Variants in OGDHL observed in about 807,000 individuals in gnomAD.
The protein encoded by OGDHL is oxoglutarate dehydrogenase L, also known as 2-oxoglutarate dehydrogenase-like, mitochondrial.
Under a neutral mutation model 109.6 loss-of-function variants are expected in OGDHL, and 79 were observed. That is an observed-to-expected ratio of 0.72 (90% CI 0.60 to 0.87). The LOEUF is 0.87. Ranked by LOEUF, OGDHL falls within the 40% of genes least tolerant of loss-of-function variation. OGDHL has a pLI of 0.00. For synonymous variants in OGDHL, 528 were observed against 537.2 expected, an observed-to-expected ratio of 0.98 and a Z score of 0.24; for missense variants, 1,275 against 1,362.2, an observed-to-expected ratio of 0.94 and a Z score of 1.01.
chr10:49,736,038 C>T lies in OGDHL; in HGVS notation c.2894G>A (p.Arg965His), dbSNP rs748297322. ...CACCATGTACCATATGGGCCGTGCG[C>T]GCCTCAGGATGGTCATGAAGCGTGG... ...ISPRFMTILR[R>H]ARPIWYVGRD... The change falls in exon 22 of 23, where the codon CGC (arginine) becomes CAC (histidine). Residue 965 changes from arginine (R) to histidine (H), a missense_variant. Transcript: ENST00000374103. The T allele has an allele frequency of 9.4e-6, 15 of 1,589,348 alleles. No individual in the cohort carries two copies. Among genetic ancestry groups the T allele is most frequent in the Admixed American group, 3.5e-5 (2 of 56,680 alleles).
rs1842081844 is a variant in OGDHL, at chr10:49,745,158, C to T, written c.1629+186G>A. On this transcript the variant is annotated intron_variant, in intron 12 of 22. Transcript: ENST00000374103. The stretch of plus-strand genomic sequence containing the variant: ...ACATTGCAGTACCCACTGTGTCCCA[C>T]TTGGCTGTAACTGCATCCTTAGTTC... Among the ~76,000 whole-genome samples the T allele has an allele frequency of 2.0e-5, 3 of 152,266 alleles. No homozygotes were observed. In the South Asian group the frequency reaches 6.2e-4, roughly 31 times the overall value.
intron 3 of OGDHL, 134 bp from the exon 4 acceptor site, chr10:49,752,874 T>C (rs1842699178): frequency 3.1e-6 from 2 of 639,950 alleles, no homozygotes; most frequent in Admixed American, 2.9e-5. Flanking sequence ...GCCCCGCGGC[T>C]ACTTCACTGC....
chr10:49,754,716 A>C (rs2133085761), intron 3 of OGDHL, among the ~76,000 whole-genome samples: 1 of 152,130 alleles, frequency 6.6e-6, no homozygotes, highest in East Asian at 1.9e-4. Context: ...TCGAGCCTCT[A>C]GATCTAATTG....
chr10:49,750,818 A>T, intron 7 of OGDHL, 21 bp downstream of exon 7: 1 of 1,598,638 alleles, frequency 6.3e-7, no homozygotes, highest in Admixed American at 1.7e-5. Context: ...TGCGCAAGGC[A>T]CAGCAGGGAG....
chr10:49,740,551 T>TA (rs2132968283), intron 16 of OGDHL, among the ~76,000 whole-genome samples, 159 bp downstream of exon 16: 1 of 152,102 alleles, frequency 6.6e-6, no homozygotes, highest in South Asian at 2.1e-4. Context: ...CACATGGCCT[T>TA]AGGTGAGGGC....
chr10:49,739,931 GC>G lies in OGDHL; in HGVS notation c.2141-93del, dbSNP rs535708406. On this transcript the variant is annotated intron_variant, in intron 16 of 22. Transcript: ENST00000374103. ...TAGCCTTTCTCAGTATATCCTCCAT[GC>G]CCCCACCCATCCTTCTCACAAGCCA... is the stretch of plus-strand genomic sequence containing the variant. The G allele has an allele frequency of 6.9e-6, 9 of 1,301,148 alleles. No homozygotes were observed. The East Asian group carries it at 1.5e-4, about 22-fold the overall frequency. The allele number at this position is 1,301,148 out of a possible 1,614,324, so 80.6% of individuals were successfully genotyped here. A position where few individuals can be genotyped will look rare whatever the true frequency, so the allele number is the denominator to read the frequency against.
At chr10:49,755,112 C>G (rs1413520728) in intron 3 of OGDHL, among the ~76,000 whole-genome samples, 2 of 152,144 alleles carry the variant, frequency 1.3e-5, no homozygotes, top group Admixed American at 1.3e-4. Flanking sequence ...GGCGTGGTGG[C>G]AAGCACCTGT....
At chr10:49,758,281 C>A in intron 2 of OGDHL, 108 bp downstream of exon 2, 1 of 1,145,550 alleles carries the variant, frequency 8.7e-7, no homozygotes, top group Non-Finnish European at 1.2e-6. Context: ...AGAAACCTGC[C>A]CAGGATCACA....
At chr10:49,738,461 A>T (rs1278109415) in intron 17 of OGDHL, 199 bp from the exon 18 acceptor site, 6 of 603,266 alleles carry the variant, frequency 9.9e-6, no homozygotes, top group Non-Finnish European at 1.8e-5. Context: ...GTCTGCCCAG[A>T]GCTAGCACAG....
intron 8 of OGDHL, 57 bp from the exon 9 acceptor site, chr10:49,747,265 T>TA: frequency 6.3e-7 from 1 of 1,576,480 alleles, no homozygotes; most frequent in Non-Finnish European, 8.7e-7. Flanking sequence ...GACAGGCAGA[T>TA]ACACAGGCAG....
Position 49,744,658 on chromosome 10 carries a change from G to C in OGDHL, c.1724C>G (p.Pro575Arg). Reference sequence around the variant, plus strand: ...ACACACTGCTCGCTCACCAGGCCAGGGGGAGTCCAACCAGTGCTTTATATG... The same window carrying C: ...ACACACTGCTCGCTCACCAGGCCAGCGGGAGTCCAACCAGTGCTTTATATG... ...ILHIKHWLDS[P>R]WPGFFNVDGE... The change falls in exon 13 of 23, where the codon CCC (proline) becomes CGC (arginine). Residue 575 changes from proline to arginine, a missense_variant. Pro to Arg is a moderately radical substitution (Grantham distance 103). Transcript: ENST00000374103. 1 of 1,613,846 alleles carries C rather than the reference G, an allele frequency of 6.2e-7. No homozygotes were observed.
chr10:49,737,881 G>A, intron 19 of OGDHL, 23 bp from the exon 20 acceptor site: 6 of 1,614,182 alleles, frequency 3.7e-6, no homozygotes, highest in Non-Finnish European at 5.1e-6. Context: ...TACACGCCCA[G>A]CTGCCAGCTG....
Position 49,736,376 on chromosome 10 carries a change from G to T in OGDHL, c.2735C>A (p.Ala912Asp), listed in dbSNP as rs1415094892. The change falls in exon 21 of 23, where the codon GCC (alanine) becomes GAC (aspartate). Residue 912 changes from alanine (A) to aspartate (D), a missense_variant. By Grantham distance (126) the Ala-to-Asp change is moderately radical (BLOSUM62 -2). Transcript: ENST00000374103. ...RSSQDLEEKV[A>D]ITRLEQISPF... is the part of the protein sequence containing the mutation. Reference sequence around the variant, plus strand: ...GCACACCTGCTCCAGGCGCGTGATGGCCACTTTCTCCTCCAGGTCCTGGCT... The same window carrying T: ...GCACACCTGCTCCAGGCGCGTGATGTCCACTTTCTCCTCCAGGTCCTGGCT... 6.2e-7 allele frequency: 1 copy of T among 1,614,166 alleles called. No homozygotes were observed. The highest frequency in any genetic ancestry group is 1.7e-5 in the Admixed American group (1 of 60,020).
Position 49,736,359 on chromosome 10 carries a change from G to A in OGDHL, c.2752C>T (p.Gln918Ter). 1 of 1,614,110 alleles carries A rather than the reference G, an allele frequency of 6.2e-7. No homozygotes were observed. Among genetic ancestry groups the A allele is most frequent in the Non-Finnish European group, 8.5e-7 (1 of 1,180,012 alleles). ...EEKVAITRLE[Q>*]ISPFPFDLIK... ...CTGTACAAGGGGTTCAGGCACACCTGCTCCAGGCGCGTGATGGCCACTTTC... is the reference window on the plus strand; with the variant it reads ...CTGTACAAGGGGTTCAGGCACACCTACTCCAGGCGCGTGATGGCCACTTTC... The change falls in exon 21 of 23, where the codon CAG becomes TAG. Residue 918 changes from glutamine (Q) to a stop codon, truncating the protein, a stop_gained and splice_region_variant. Transcript: ENST00000374103. LOFTEE classifies it high-confidence loss of function.
chr10:49,746,602 A>T, intron 10 of OGDHL, 148 bp downstream of exon 10: 2 of 1,060,276 alleles, frequency 1.9e-6, no homozygotes, highest in South Asian at 3.3e-5. Context: ...AGACCAGGAC[A>T]CCAAGGCTGG....
In OGDHL at chr10:49,745,815, C is replaced by A. The variant is rs768875988; in HGVS notation, c.1459G>T (p.Asp487Tyr). ...AAEWRNTFNK[D>Y]VVVDLVCYRR... ...AGACCCACCAGGTCCACGACAACAT[C>A]TTTGTTGAAAGTGTTTCTCCATTCG... Residue 487 changes from aspartate (D) to tyrosine (Y), a missense_variant, in exon 11 of 23, where the codon GAT becomes TAT. Coordinates refer to ENST00000374103, the MANE Select transcript of OGDHL (RefSeq NM_018245.3). The A allele has an allele frequency of 1.2e-6, 2 of 1,614,184 alleles. No individual in the cohort carries two copies. Among genetic ancestry groups the A allele is most frequent in the South Asian group, 1.1e-5 (1 of 91,076 alleles).
At chr10:49,735,896 GC>G in intron 22 of OGDHL, 126 bp downstream of exon 22, 1 of 1,035,204 alleles carries the variant, frequency 9.7e-7, no homozygotes, top group Non-Finnish European at 1.3e-6. Flanking sequence ...TACTGATGAT[GC>G]CCCATCATTG....
Position 49,735,213 on chromosome 10 carries a change from A to G in OGDHL, c.*15T>C. ...AGCAAACCCACAGCGAGACCTACAC[A>G]GGTTTTGCCCAGCTCTAAAATGTCT... On this transcript the variant is annotated 3_prime_UTR_variant, in exon 23 of 23. Coordinates refer to ENST00000374103, the MANE Select transcript of OGDHL (RefSeq NM_018245.3). The G allele has an allele frequency of 6.2e-7, 1 of 1,609,404 alleles. No homozygotes were observed.
At chr10:49,748,249 A>G (rs1054078468) in intron 8 of OGDHL, among the ~76,000 whole-genome samples, 1 of 152,252 alleles carries the variant, frequency 6.6e-6, no homozygotes, top group Non-Finnish European at 1.5e-5. Context: ...GGGGTAGCCC[A>G]TGTGTGCAGG....
Sources: allele counts gnomAD v4.1 joint callset (sites outside exome capture counted in the v4.1 genomes callset), GRCh38; gene constraint gnomAD v4.1.1; transcripts MANE v1.5; gene names NCBI Gene and HGNC (gene_info 2026-07-23, HGNC 2026-07-21).